ZFPM2: variants seen among roughly 807,000 people sequenced by gnomAD.
The protein encoded by ZFPM2 is zinc finger protein ZFPM2.
ZFPM2 carries 20 observed loss-of-function variants against 98.6 expected under a neutral mutation model. The observed-to-expected ratio is 0.20, with a 90% CI of 0.14 to 0.29. The LOEUF (loss-of-function observed/expected upper bound fraction) is 0.29, where lower values mean the gene tolerates loss of function less well. ZFPM2 is among the 10% of genes least tolerant of loss of function. ZFPM2 has a pLI of 1.00. For synonymous variants in ZFPM2, 518 were observed against 502.7 expected, an observed-to-expected ratio of 1.03 and a Z score of -0.41; for missense variants, 1,310 against 1,388.6, an observed-to-expected ratio of 0.94 and a Z score of 0.90.
intron 5 of ZFPM2, among the ~76,000 whole-genome samples, chr8:105,646,589 C>T (rs1277305403): frequency 1.3e-5 from 2 of 152,104 alleles, no homozygotes; most frequent in East Asian, 1.9e-4. Context: ...GGAAAGGCAG[C>T]GTGAGTAGGC....
intron 3 of ZFPM2, among the ~76,000 whole-genome samples, chr8:105,534,125 T>C (rs972754559): frequency 1.3e-3 from 23 of 17,608 alleles, no homozygotes; most frequent in South Asian, 8.4e-3. Context: ...CTCCCTTCCT[T>C]CCTCCCTTCC....
At chr8:105,645,354 C>G (rs909081573) in intron 5 of ZFPM2, among the ~76,000 whole-genome samples, 3 of 152,136 alleles carry the variant, frequency 2.0e-5, no homozygotes, top group Non-Finnish European at 4.4e-5. Context: ...TGTTTATCAT[C>G]TTGCTCTTTT....
At chr8:105,438,193 T>A (rs575338561) in intron 2 of ZFPM2, among the ~76,000 whole-genome samples, 1 of 152,356 alleles carries the variant, frequency 6.6e-6, no homozygotes, top group South Asian at 2.1e-4. Flanking sequence ...TGGCATCAAG[T>A]CTGGGTTTGT....
chr8:105,450,951 A>G (rs1171326922), intron 3 of ZFPM2, among the ~76,000 whole-genome samples: 1 of 152,008 alleles, frequency 6.6e-6, no homozygotes, highest in East Asian at 1.9e-4. Flanking sequence ...GCACTCTCAT[A>G]TAGAATTAGG....
chr8:105,704,054 A>G (rs1212587810), intron 5 of ZFPM2, among the ~76,000 whole-genome samples: 1 of 152,156 alleles, frequency 6.6e-6, no homozygotes, highest in Non-Finnish European at 1.5e-5. Context: ...TTCAAACCAC[A>G]TAAGCCCCTT....
intron 4 of ZFPM2, among the ~76,000 whole-genome samples, chr8:105,595,979 T>A: frequency 6.7e-6 from 1 of 149,348 alleles, no homozygotes; most frequent in East Asian, 2.0e-4. Flanking sequence ...TATAGCAAAA[T>A]TATCTGAAAT....
intron 3 of ZFPM2, among the ~76,000 whole-genome samples, chr8:105,525,008 A>G (rs999755328): frequency 2.0e-5 from 3 of 152,122 alleles, no homozygotes; most frequent in Non-Finnish European, 2.9e-5. Flanking sequence ...ATACTGTGAC[A>G]TTTCTTCTTC....
At chr8:105,772,723 C>G (rs1813007630) in intron 5 of ZFPM2, among the ~76,000 whole-genome samples, 1 of 152,138 alleles carries the variant, frequency 6.6e-6, no homozygotes, top group Admixed American at 6.6e-5. Context: ...GGTTATGAAT[C>G]CATTCAAAAA....
chr8:105,445,091 T>C (rs1812339713), intron 3 of ZFPM2, among the ~76,000 whole-genome samples: 1 of 152,164 alleles, frequency 6.6e-6, no homozygotes, highest in Admixed American at 6.5e-5. Context: ...AGTTCTGAGA[T>C]AGTTTTAGCC....
intron 3 of ZFPM2, among the ~76,000 whole-genome samples, chr8:105,480,528 C>A (rs571271527): frequency 2.0e-4 from 30 of 152,100 alleles, no homozygotes; most frequent in Admixed American, 4.6e-4. Flanking sequence ...TTTAGCAAAC[C>A]CTTAATACCA....
chr8:105,695,738 A>G (rs1426832025), intron 5 of ZFPM2, among the ~76,000 whole-genome samples: 1 of 152,194 alleles, frequency 6.6e-6, no homozygotes, highest in East Asian at 1.9e-4. Flanking sequence ...TGAGCAGAAA[A>G]TAGGTAAATG....
chr8:105,564,016 T>C (rs572698445), intron 4 of ZFPM2, among the ~76,000 whole-genome samples: 1 of 152,238 alleles, frequency 6.6e-6, no homozygotes, highest in South Asian at 2.1e-4. Flanking sequence ...TACCATATGC[T>C]AAATCGTGAT....
At chr8:105,382,861 A>C (rs1196888727) in intron 1 of ZFPM2, among the ~76,000 whole-genome samples, 3 of 152,148 alleles carry the variant, frequency 2.0e-5, no homozygotes, top group Non-Finnish European at 1.5e-5. Flanking sequence ...TAATATTTGC[A>C]CCTCATCTTT....
intron 3 of ZFPM2, among the ~76,000 whole-genome samples, chr8:105,510,395 C>T (rs1485483218): frequency 2.9e-5 from 3 of 103,098 alleles, no homozygotes; most frequent in Non-Finnish European, 5.3e-5. Context: ...GGGGTCTGTG[C>T]ATGTTTTTTT....
rs183119958 is a variant in ZFPM2, at chr8:105,364,346, T to C, written c.40+45365T>C. 7.6e-4 allele frequency among the ~76,000 whole-genome samples: 115 copies of C among 152,188 alleles called. 1 individual carries two copies. In the East Asian group the frequency reaches 0.021, roughly 28 times the overall value. On this transcript the variant is annotated intron_variant, in intron 1 of 7. Coordinates refer to ENST00000407775, the MANE Select transcript of ZFPM2 (RefSeq NM_012082.4). The stretch of plus-strand genomic sequence containing the variant: ...AGAAATAGGGCAATTAAAAAAATAA[T>C]TCATGGCAAGTAGGAGTGAGATATT...
intron 6 of ZFPM2, chr8:105,797,997 C>A (rs1437011503): frequency 2.0e-5 from 3 of 152,138 alleles, no homozygotes; most frequent in Non-Finnish European, 4.4e-5. Context: ...GAGTTGGGCA[C>A]ATAGTAGCCA....
chr8:105,608,570 A>G (rs1327196038), intron 4 of ZFPM2, among the ~76,000 whole-genome samples: 1 of 149,448 alleles, frequency 6.7e-6, no homozygotes, highest in African/African-American at 2.4e-5. Flanking sequence ...AAGGCTAGAG[A>G]ACACCAAGAG....
chr8:105,583,938 G>T (rs1436859526), intron 4 of ZFPM2, among the ~76,000 whole-genome samples: 1 of 152,102 alleles, frequency 6.6e-6, no homozygotes, highest in African/African-American at 2.4e-5. Flanking sequence ...GTAAGAAAAG[G>T]TTATTTGCTA....
At chr8:105,623,625 A>G (rs1320956935) in intron 4 of ZFPM2, among the ~76,000 whole-genome samples, 1 of 152,216 alleles carries the variant, frequency 6.6e-6, no homozygotes, top group Admixed American at 6.5e-5. Flanking sequence ...GGATTCATTC[A>G]TGAAAGATGG....
Sources: allele counts gnomAD v4.1 joint callset (sites outside exome capture counted in the v4.1 genomes callset), GRCh38; gene constraint gnomAD v4.1.1; transcripts MANE v1.5; gene names NCBI Gene and HGNC (gene_info 2026-07-23, HGNC 2026-07-21).